Variants in POU2AF3 observed in about 807,000 individuals in gnomAD.
POU2AF3 encodes cancer susceptibility candidate 13.
chr11:111,298,826 G>GCGGGGGGGCCCCC, the POU2AF3 span: 20 of 790,958 alleles, frequency 2.5e-5, no homozygotes, highest in African/African-American at 3.6e-5. Context: ...CGTACCCCAG[G>GCGGGGGGGCCCCC]CCCCCGCCCG....
At chr11:111,304,406 T>C in the POU2AF3 span, among the ~76,000 whole-genome samples, 3 of 152,190 alleles carry the variant, frequency 2.0e-5, no homozygotes, top group African/African-American at 2.4e-5. Flanking sequence ...TTTTACCACA[T>C]AAAATTATTT....
the POU2AF3 span, chr11:111,304,738 T>C: frequency 2.6e-6 from 1 of 391,044 alleles, no homozygotes; most frequent in Non-Finnish European, 4.5e-6. Flanking sequence ...CTTTCACTTG[T>C]TTTTTACAAT....
At chr11:111,306,574 A>G in the POU2AF3 span, 6 of 1,551,568 alleles carry the variant, frequency 3.9e-6, no homozygotes, top group Non-Finnish European at 5.2e-6. Context: ...GCTCCACACC[A>G]TTTCCCAGAC....
chr11:111,302,097 A>C, the POU2AF3 span, among the ~76,000 whole-genome samples: 1 of 152,242 alleles, frequency 6.6e-6, no homozygotes. Context: ...AGTTTTTATA[A>C]CAACCAGCGG....
At chr11:111,300,399 T>A in the POU2AF3 span, 1 of 379,888 alleles carries the variant, frequency 2.6e-6, no homozygotes, top group South Asian at 1.5e-4. Flanking sequence ...TCCTTTGACA[T>A]TTTTTGTGTG....
At chr11:111,308,514 G>A in the POU2AF3 span, 2 of 1,379,888 alleles carry the variant, frequency 1.4e-6, no homozygotes, top group Non-Finnish European at 9.7e-7. Context: ...TGCAAAATAT[G>A]CAACTTGGTA....
the POU2AF3 span, chr11:111,306,401 T>C: frequency 6.9e-7 from 1 of 1,455,848 alleles, no homozygotes; most frequent in Non-Finnish European, 9.0e-7. Context: ...TAGGACTGTA[T>C]TTTGAGCCTG....
At chr11:111,303,486 T>C in the POU2AF3 span, among the ~76,000 whole-genome samples, 1 of 152,108 alleles carries the variant, frequency 6.6e-6, no homozygotes, top group Non-Finnish European at 1.5e-5. Context: ...AAAGATAATA[T>C]CAAGTAGGAT....
At chr11:111,306,485 A>G in the POU2AF3 span, 1 of 1,518,016 alleles carries the variant, frequency 6.6e-7, no homozygotes, top group South Asian at 1.3e-5. Context: ...AAGAAAACTC[A>G]AGCTGCCTCG....
chr11:111,302,793 C>A, the POU2AF3 span, among the ~76,000 whole-genome samples: 1 of 152,130 alleles, frequency 6.6e-6, no homozygotes, highest in Non-Finnish European at 1.5e-5. Flanking sequence ...AAAAGCCAGA[C>A]GTAAAATCCC....
the POU2AF3 span, among the ~76,000 whole-genome samples, chr11:111,307,709 T>C: frequency 2.6e-5 from 4 of 152,334 alleles, no homozygotes; most frequent in African/African-American, 9.6e-5. Flanking sequence ...ACATCCAGGG[T>C]GCCACCTACA....
At chr11:111,306,445 G>C in the POU2AF3 span, 1 of 1,491,632 alleles carries the variant, frequency 6.7e-7, no homozygotes, top group South Asian at 1.3e-5. Flanking sequence ...TATTTGCAAC[G>C]GGGAGAATTT....
chr11:111,298,801 C>T, the POU2AF3 span: 17 of 1,202,594 alleles, frequency 1.4e-5, no homozygotes, highest in Non-Finnish European at 1.7e-5. Context: ...CCGAGTTGGC[C>T]GCTCCGGACG....
the POU2AF3 span, chr11:111,298,843 C>CCCCCCAAAAAAA: frequency 8.4e-7 from 1 of 1,187,162 alleles, no homozygotes; most frequent in Non-Finnish European, 1.0e-6. Flanking sequence ...CCCGCCCTCC[C>CCCCCCAAAAAAA]ACGTATCCAC....
chr11:111,307,988 C>T, the POU2AF3 span: 5 of 1,325,162 alleles, frequency 3.8e-6, no homozygotes, highest in Admixed American at 3.3e-5. Flanking sequence ...TCTCACTCTG[C>T]ATTGGTAAAC....
At chr11:111,298,969 C>G in the POU2AF3 span, 1 of 1,010,396 alleles carries the variant, frequency 9.9e-7, no homozygotes, top group Non-Finnish European at 1.2e-6. Context: ...TGCACTGAGC[C>G]GAGCTGTGGC....
At chr11:111,307,251 T>G in the POU2AF3 span, among the ~76,000 whole-genome samples, 1 of 152,212 alleles carries the variant, frequency 6.6e-6, no homozygotes, top group Non-Finnish European at 1.5e-5. Context: ...CAAAATGAAG[T>G]AAGGTTTCTA....
the POU2AF3 span, among the ~76,000 whole-genome samples, chr11:111,303,309 T>C: frequency 1.6e-4 from 24 of 152,360 alleles, no homozygotes; most frequent in East Asian, 4.6e-3. Flanking sequence ...TTAGTCGTTA[T>C]CAAAAGATAT....
At chr11:111,304,975 T>A in the POU2AF3 span, 1 of 1,232,848 alleles carries the variant, frequency 8.1e-7, no homozygotes, top group Non-Finnish European at 1.0e-6. Context: ...TTGCACCATC[T>A]TCTGCAGGTC....
Sources: gnomAD v4.1 joint callset for allele counts (sites outside exome capture counted in the v4.1 genomes callset) on GRCh38, gnomAD v4.1.1 for gene constraint, MANE v1.5 for transcripts, NCBI Gene and HGNC (gene_info 2026-07-23, HGNC 2026-07-21) for gene names.